The following ERFL variants were observed in gnomAD, a reference collection of about 807,000 sequenced individuals.
ERFL encodes ETS repressor factor like, also known as ETS domain-containing transcription factor ERF-like.
In ERFL, 8 loss-of-function variants were observed where a neutral mutation model predicts 27.9. The observed-to-expected ratio is 0.29, with a 90% confidence interval of 0.17 to 0.52. The LOEUF is 0.52. Ranked by LOEUF, ERFL falls within the 20% of genes least tolerant of loss-of-function variation. The pLI is 0.97. For synonymous variants in ERFL, 174 were observed against 202.8 expected (o/e 0.86, Z 1.21); for missense variants, 294 against 444.4 (o/e 0.66, Z 3.04).
chr19:41,916,805 C>T lies in ERFL; in HGVS notation c.-13-3873G>A, dbSNP rs1555851987. The stretch of plus-strand genomic sequence containing the variant: ...CCATTCACAGACACAGTCACAATCA[C>T]ACACACACACCAAGATCACGGACCC... On this transcript the variant is annotated intron_variant, in intron 1 of 5. Transcript: ENST00000597630. The surrounding 1 kb of genome is among the most constrained non-coding windows in gnomAD (Gnocchi z 5.4). Among the ~76,000 whole-genome samples the T allele has an allele frequency of 1.3e-5, 2 of 151,844 alleles. No individual in the cohort carries two copies. Among genetic ancestry groups the T allele is most frequent in the Non-Finnish European group, 2.9e-5 (2 of 67,990 alleles).
Position 41,910,220 on chromosome 19 carries a change from C to T in ERFL, c.68-123G>A. ...CTCCAGTCTCAGGCATCTTTAGGGA[C>T]CTGGTTTCCACACTCCAAACCTCCT... On this transcript the variant is annotated intron_variant, in intron 2 of 5. Coordinates refer to ENST00000597630, the MANE Select transcript of ERFL (RefSeq NM_001365103.2). This position sits in a 1 kb window ranked among gnomAD's most constrained non-coding sequence, Gnocchi z 4.4. The T allele has an allele frequency of 1.0e-6, 1 of 979,012 alleles. No homozygotes were observed. The highest frequency in any genetic ancestry group is 1.5e-6 in the Non-Finnish European group (1 of 669,578). 60.6% of individuals were successfully genotyped at this position (979,012 alleles called of 1,614,324 possible). A position where few individuals can be genotyped will look rare whatever the true frequency, so the allele number is the denominator to read the frequency against.
chr19:41,917,011 T>G lies in ERFL; in HGVS notation c.-13-4079A>C, dbSNP rs568940086. Among the ~76,000 whole-genome samples, 11 of 151,028 alleles carry G rather than the reference T, an allele frequency of 7.3e-5. No individual in the cohort carries two copies. Among genetic ancestry groups the G allele is most frequent in the Non-Finnish European group, 1.3e-4 (9 of 67,698 alleles). Reference sequence around the variant, plus strand: ...CTTCCCAAGCATGTCTCTGCATGGGTGTGTGTGTGTGTGTGCACATATGTG... The same window carrying G: ...CTTCCCAAGCATGTCTCTGCATGGGGGTGTGTGTGTGTGTGCACATATGTG... On this transcript the variant is annotated intron_variant, in intron 1 of 5. Transcript: ENST00000597630. This position sits in a 1 kb window ranked among gnomAD's most constrained non-coding sequence, Gnocchi z 4.8.
chr19:41,920,423 A>ACTCACAGACATGACACG (rs1400162851), intron 1 of ERFL, among the ~76,000 whole-genome samples: 2 of 133,330 alleles, frequency 1.5e-5, no homozygotes, highest in Non-Finnish European at 3.2e-5. Flanking sequence ...GACATGACAC[A>ACTCACAGACATGACACG]CTCACAGACA....
At position 41,912,892 on chromosome 19, in the gene ERFL, G is replaced by T; in HGVS notation, c.28C>A (p.Leu10Ile). MDCSCVSDL[L>I]FAPPALPALW... ...GCCGGCAGGGCGGGCGGGGCGAAGA[G>T]AAGGTCGGAGACGCAGCTACAGTCC... The change falls in exon 2 of 6, where the codon CTC becomes ATC. Residue 10 changes from leucine to isoleucine, a missense_variant. Coordinates refer to ENST00000597630, the MANE Select transcript of ERFL (RefSeq NM_001365103.2). The T allele has an allele frequency of 8.1e-7, 1 of 1,231,682 alleles. No individual in the cohort carries two copies. The highest frequency in any genetic ancestry group is 3.2e-5 in the East Asian group (1 of 31,704). The allele number at this position is 1,231,682 out of a possible 1,614,324, so 76.3% of individuals were successfully genotyped here. A position where few individuals can be genotyped will look rare whatever the true frequency, so the allele number is the denominator to read the frequency against.
rs548983883 is a variant in ERFL at position 41,911,514 on chromosome 19, G to A, written c.67+1339C>T. On this transcript the variant is annotated intron_variant, in intron 2 of 5. Coordinates refer to ENST00000597630, the MANE Select transcript of ERFL (RefSeq NM_001365103.2). ...CTGCACAGGTGGAAGGCAAGGGGGC[G>A]CAGGGTCCCACCCAGGCTGCCTGGT... Among the ~76,000 whole-genome samples the A allele has an allele frequency of 8.5e-5, 13 of 152,358 alleles. No individual in the cohort carries two copies. In the South Asian group the frequency reaches 2.5e-3, roughly 29 times the overall value.
rs2074843275 is a variant in ERFL, at chr19:41,921,721, C to T, written c.-14+6319G>A. On this transcript the variant is annotated intron_variant, in intron 1 of 5. Transcript: ENST00000597630. This position sits in a 1 kb window ranked among gnomAD's most constrained non-coding sequence, Gnocchi z 4.4. Reference sequence around the variant, plus strand: ...AGGAGAGGGATGCAGGCGAGCCCGGCCCTGGAGGTGGAGTGGAAGGCTCAG... The same window carrying T: ...AGGAGAGGGATGCAGGCGAGCCCGGTCCTGGAGGTGGAGTGGAAGGCTCAG... 6.6e-6 allele frequency among the ~76,000 whole-genome samples: 1 copy of T among 152,016 alleles called. No homozygotes were observed. Among genetic ancestry groups the T allele is most frequent in the Non-Finnish European group, 1.5e-5 (1 of 67,978 alleles).
In ERFL at chr19:41,910,163, G is replaced by A; in HGVS notation, c.68-66C>T. The A allele has an allele frequency of 2.0e-6, 3 of 1,479,344 alleles. No individual in the cohort carries two copies. Among genetic ancestry groups the A allele is most frequent in the Admixed American group, 4.2e-5 (2 of 47,906 alleles). The allele number at this position is 1,479,344 out of a possible 1,614,324, so 91.6% of individuals were successfully genotyped here. ...CAAGTCCAGGGCTCTGGGTCCTGCT[G>A]GACTCAGTAACCTGGGAGGCATGTA... On this transcript the variant is annotated intron_variant, in intron 2 of 5. Coordinates refer to ENST00000597630, the MANE Select transcript of ERFL (RefSeq NM_001365103.2). This position sits in a 1 kb window ranked among gnomAD's most constrained non-coding sequence, Gnocchi z 4.4.
intron 2 of ERFL, among the ~76,000 whole-genome samples, chr19:41,911,907 T>C: frequency 6.7e-6 from 1 of 148,860 alleles, no homozygotes; most frequent in Admixed American, 6.7e-5. Context: ...CAGAATTCAC[T>C]CATGTGCACA....
chr19:41,926,747 T>A (rs2074873683), intron 1 of ERFL, among the ~76,000 whole-genome samples: 1 of 151,986 alleles, frequency 6.6e-6, no homozygotes, highest in Admixed American at 6.5e-5. Flanking sequence ...CGTTTAGCCG[T>A]GATAGATCCG....
At chr19:41,926,716 G>C (rs920269227) in intron 1 of ERFL, among the ~76,000 whole-genome samples, 3 of 152,168 alleles carry the variant, frequency 2.0e-5, no homozygotes, top group African/African-American at 4.8e-5. Flanking sequence ...CCGGCCGGGA[G>C]GGGGGAGCGG....
intron 1 of ERFL, among the ~76,000 whole-genome samples, chr19:41,926,466 G>C (rs987221288): frequency 6.6e-6 from 1 of 152,100 alleles, no homozygotes; most frequent in African/African-American, 2.4e-5. Flanking sequence ...TTAGTTACCT[G>C]AGGCCACAGG....
At chr19:41,924,189 G>C (rs2074858758) in intron 1 of ERFL, among the ~76,000 whole-genome samples, 1 of 151,876 alleles carries the variant, frequency 6.6e-6, no homozygotes, top group South Asian at 2.1e-4. Context: ...TGTCACCAAA[G>C]TCCCTAGGTG....
In ERFL at chr19:41,910,126, G is replaced by A. The variant is rs1555851123; in HGVS notation, c.68-29C>T. Reference sequence around the variant, plus strand: ...GGGACGGGAGGCAGGGAGTGGCCTGGGGTCAGGATGCCAAGTCCAGGGCTC... The same window carrying A: ...GGGACGGGAGGCAGGGAGTGGCCTGAGGTCAGGATGCCAAGTCCAGGGCTC... On this transcript the variant is annotated intron_variant, in intron 2 of 5. Transcript: ENST00000597630. This position sits in a 1 kb window ranked among gnomAD's most constrained non-coding sequence, Gnocchi z 4.4. 1 of 1,593,142 alleles carries A rather than the reference G, an allele frequency of 6.3e-7. No homozygotes were observed. Among genetic ancestry groups the A allele is most frequent in the Non-Finnish European group, 8.5e-7 (1 of 1,169,902 alleles).
intron 1 of ERFL, 125 bp downstream of exon 1, chr19:41,927,903 CCCCATCCGCCTA>C (rs2145915796): frequency 6.6e-6 from 1 of 151,742 alleles, no homozygotes; most frequent in East Asian, 1.9e-4. Flanking sequence ...GGGCGGATGA[CCCCATCCGCCTA>C]CCCCTCCACC....
intron 2 of ERFL, among the ~76,000 whole-genome samples, chr19:41,911,337 G>A (rs1301346062): frequency 6.6e-6 from 1 of 152,212 alleles, no homozygotes; most frequent in Non-Finnish European, 1.5e-5. Flanking sequence ...CCCAGACCCA[G>A]GCATGAAAAT....
intron 2 of ERFL, among the ~76,000 whole-genome samples, chr19:41,911,808 A>G (rs2074753365): frequency 6.6e-6 from 1 of 152,048 alleles, no homozygotes; most frequent in South Asian, 2.1e-4. Context: ...CACACCCTCA[A>G]ATATGTTGTA....
chr19:41,921,365 G>A lies in ERFL; in HGVS notation c.-14+6675C>T, dbSNP rs2074841431. ...GAGTGAGACACGGAGGGAGATGGAGGGGGATAGGCGGGACATGGGGAACCC... is the reference window on the plus strand; with the variant it reads ...GAGTGAGACACGGAGGGAGATGGAGAGGGATAGGCGGGACATGGGGAACCC... On this transcript the variant is annotated intron_variant, in intron 1 of 5. Transcript: ENST00000597630. The surrounding 1 kb of genome is among the most constrained non-coding windows in gnomAD (Gnocchi z 4.4). Among the ~76,000 whole-genome samples the A allele has an allele frequency of 6.6e-6, 1 of 151,930 alleles. No homozygotes were observed. The highest frequency in any genetic ancestry group is 1.5e-5 in the Non-Finnish European group (1 of 68,020).
chr19:41,911,388 G>A (rs2074750310), intron 2 of ERFL, among the ~76,000 whole-genome samples: 2 of 152,242 alleles, frequency 1.3e-5, no homozygotes, highest in South Asian at 4.1e-4. Context: ...CAGCAGTGCA[G>A]GAGAGAGGAG....
chr19:41,925,982 G>A (rs1555853231), intron 1 of ERFL, among the ~76,000 whole-genome samples: 2 of 152,084 alleles, frequency 1.3e-5, no homozygotes, highest in African/African-American at 4.8e-5. Flanking sequence ...AGGAATGTGT[G>A]TGTGAGTGTG....
Sources: allele counts gnomAD v4.1 joint callset (sites outside exome capture counted in the v4.1 genomes callset), GRCh38; gene constraint gnomAD v4.1.1; non-coding constraint Gnocchi (gnomAD v3.1); transcripts MANE v1.5; gene names NCBI Gene and HGNC (gene_info 2026-07-23, HGNC 2026-07-21).